The following LRRC4C variants were observed in gnomAD, a reference collection of about 807,000 sequenced individuals.
The protein encoded by LRRC4C is leucine rich repeat containing 4C.
Under a neutral mutation model 33.6 loss-of-function variants are expected in LRRC4C, and 5 were observed. The observed-to-expected ratio is 0.15, with a 90% CI of 0.08 to 0.31. The LOEUF (loss-of-function observed/expected upper bound fraction) is 0.31, where lower values mean the gene tolerates loss of function less well. Among genes scored for constraint, LRRC4C ranks in the 10% least tolerant of loss-of-function variants. The probability of loss-of-function intolerance (pLI) is 1.00; values close to 1 mark genes in which losing one functional copy is unlikely to be tolerated. For synonymous variants in LRRC4C, 329 were observed against 302.0 expected (o/e 1.09, Z -0.93); for missense variants, 560 against 796.7 (o/e 0.70, Z 3.58).
intron 1 of LRRC4C, among the ~76,000 whole-genome samples, chr11:41,225,155 C>T (rs540836953): frequency 4.5e-4 from 69 of 151,856 alleles, no homozygotes; most frequent in African/African-American, 1.4e-3. Context: ...GGAAGATGTA[C>T]GGGGGTAGGA....
At chr11:40,814,314 T>C (rs1951617103) in intron 2 of LRRC4C, among the ~76,000 whole-genome samples, 1 of 152,152 alleles carries the variant, frequency 6.6e-6, no homozygotes, top group Admixed American at 6.5e-5. Context: ...GGCTTGAGGC[T>C]TGCACCCTCT....
At chr11:41,099,082 TAG>T (rs1940996892) in intron 1 of LRRC4C, among the ~76,000 whole-genome samples, 2 of 151,870 alleles carry the variant, frequency 1.3e-5, no homozygotes, top group Non-Finnish European at 2.9e-5. Flanking sequence ...CTAGAAAACC[TAG>T]AAGAGATGGA....
chr11:40,348,241 A>G (rs2137061799), intron 3 of LRRC4C, among the ~76,000 whole-genome samples: 1 of 151,864 alleles, frequency 6.6e-6, no homozygotes. Flanking sequence ...AGACTTGCTC[A>G]ATGCAGAGTT....
chr11:41,211,766 T>C (rs1946833178), intron 1 of LRRC4C, among the ~76,000 whole-genome samples: 2 of 152,188 alleles, frequency 1.3e-5, no homozygotes, highest in Admixed American at 1.3e-4. Context: ...GTCTTTGCTA[T>C]TGTGAGTAGA....
intron 1 of LRRC4C, among the ~76,000 whole-genome samples, chr11:41,123,312 G>A (rs1308605638): frequency 1.6e-5 from 2 of 122,338 alleles, no homozygotes; most frequent in Admixed American, 9.6e-5. Context: ...TCGCTCTGTC[G>A]CCCAGGCTGG....
intron 1 of LRRC4C, among the ~76,000 whole-genome samples, chr11:41,100,781 A>C (rs551617312): frequency 4.6e-5 from 7 of 152,228 alleles, no homozygotes; most frequent in Admixed American, 4.6e-4. Flanking sequence ...ATGCTATCCA[A>C]CTTTAAACTA....
intron 1 of LRRC4C, among the ~76,000 whole-genome samples, chr11:41,348,516 A>G (rs1202847360): frequency 1.3e-5 from 2 of 152,140 alleles, no homozygotes; most frequent in Admixed American, 6.5e-5. Context: ...CATGAATTGA[A>G]TAAGAAAGAA....
chr11:40,132,285 C>T (rs186270866), intron 6 of LRRC4C, among the ~76,000 whole-genome samples: 120 of 152,256 alleles, frequency 7.9e-4, no homozygotes, highest in African/African-American at 2.8e-3. Context: ...AGTGAAAACC[C>T]AGGTCTTGAG....
chr11:40,682,611 A>G (rs1944747605), intron 2 of LRRC4C, among the ~76,000 whole-genome samples: 1 of 152,050 alleles, frequency 6.6e-6, no homozygotes, highest in South Asian at 2.1e-4. Flanking sequence ...CCCAATCTCT[A>G]CTAAAAATAC....
chr11:41,349,978 T>G (rs1163851625), intron 1 of LRRC4C, among the ~76,000 whole-genome samples: 1 of 145,846 alleles, frequency 6.9e-6, no homozygotes, highest in African/African-American at 2.5e-5. Context: ...GTGTCTGGCT[T>G]AATAAAAGAC....
rs371759424 is a variant in LRRC4C, at chr11:40,967,758, T to C, written c.-495-34035A>G. Among the ~76,000 whole-genome samples, 26 of 152,010 alleles carry C rather than the reference T, an allele frequency of 1.7e-4. 2 individuals carry two copies. The South Asian group carries it at 5.0e-3, about 29-fold the overall frequency. On this transcript the variant is annotated intron_variant, in intron 1 of 6. Transcript: ENST00000528697. ...CCAGCTGTTATGCCATCTTTCTCTGTCTTCTATTAATTTCAATATTGAAAT... is the reference window on the plus strand; with the variant it reads ...CCAGCTGTTATGCCATCTTTCTCTGCCTTCTATTAATTTCAATATTGAAAT...
At chr11:40,195,347 T>A (rs1862177514) in intron 5 of LRRC4C, among the ~76,000 whole-genome samples, 1 of 152,136 alleles carries the variant, frequency 6.6e-6, no homozygotes, top group South Asian at 2.1e-4. Flanking sequence ...GCCTGCAATG[T>A]GTGGAATAAG....
At chr11:41,093,978 A>G (rs1023955187) in intron 1 of LRRC4C, among the ~76,000 whole-genome samples, 1 of 148,772 alleles carries the variant, frequency 6.7e-6, no homozygotes, top group Non-Finnish European at 1.5e-5. Flanking sequence ...GTGTAGTGGC[A>G]TGTGCCTGTA....
intron 3 of LRRC4C, among the ~76,000 whole-genome samples, chr11:40,619,003 C>T (rs1416720032): frequency 6.6e-6 from 1 of 151,698 alleles, no homozygotes; most frequent in African/African-American, 2.4e-5. Context: ...GATCACTGCA[C>T]TCTTTCCAAT....
chr11:40,617,226 T>C (rs927124873), intron 3 of LRRC4C, among the ~76,000 whole-genome samples: 3 of 151,804 alleles, frequency 2.0e-5, no homozygotes, highest in Admixed American at 6.6e-5. Context: ...TTCTAATTAT[T>C]ATTGTATGTG....
chr11:40,244,372 T>G (rs1481949135), intron 4 of LRRC4C, among the ~76,000 whole-genome samples: 1 of 152,050 alleles, frequency 6.6e-6, no homozygotes, highest in Non-Finnish European at 1.5e-5. Context: ...TCTCTGAAGT[T>G]TCCTTATCTA....
At chr11:40,324,348 G>A (rs1945993540) in intron 3 of LRRC4C, among the ~76,000 whole-genome samples, 1 of 152,186 alleles carries the variant, frequency 6.6e-6, no homozygotes, top group African/African-American at 2.4e-5. Flanking sequence ...TTTGTCAGAT[G>A]TCAAAAGAGG....
At chr11:41,400,063 C>T (rs1050972816) in intron 1 of LRRC4C, among the ~76,000 whole-genome samples, 4 of 151,848 alleles carry the variant, frequency 2.6e-5, no homozygotes, top group African/African-American at 9.7e-5. Flanking sequence ...AAGTCTCATG[C>T]AAGAATTACA....
chr11:41,118,416 A>C (rs534061397), intron 1 of LRRC4C, among the ~76,000 whole-genome samples: 16 of 152,192 alleles, frequency 1.1e-4, no homozygotes, highest in Non-Finnish European at 2.2e-4. Context: ...GGGAGCTAGA[A>C]TCAAAGACAG....
Sources: gnomAD v4.1 joint callset for allele counts (sites outside exome capture counted in the v4.1 genomes callset) on GRCh38, gnomAD v4.1.1 for gene constraint, MANE v1.5 for transcripts, NCBI Gene and HGNC (gene_info 2026-07-23, HGNC 2026-07-21) for gene names.